Variants in RCOR1 observed in about 807,000 individuals in gnomAD.
The protein encoded by RCOR1 is REST corepressor.
A neutral mutation model predicts 64.0 loss-of-function variants in RCOR1; 12 were observed. The observed-to-expected ratio is 0.19, with a 90% CI of 0.12 to 0.30. The LOEUF (loss-of-function observed/expected upper bound fraction) is 0.30, where lower values mean the gene tolerates loss of function less well. Ranked by LOEUF, RCOR1 falls within the 10% of genes least tolerant of loss-of-function variation. The pLI, the probability that RCOR1 is intolerant of heterozygous loss-of-function variation, is 1.00. For synonymous variants in RCOR1, 279 were observed against 227.2 expected, an observed-to-expected ratio of 1.23 and a Z score of -2.05; for missense variants, 502 against 621.2, an observed-to-expected ratio of 0.81 and a Z score of 2.04.
At chr14:102,687,079 C>T (rs1335694269) in intron 3 of RCOR1, among the ~76,000 whole-genome samples, 4 of 152,232 alleles carry the variant, frequency 2.6e-5, no homozygotes, top group Admixed American at 2.0e-4. Flanking sequence ...TCAGATTATA[C>T]GGAATTCGTG....
Position 102,722,301 on chromosome 14 carries a change from A to C in RCOR1, c.1304A>C (p.Glu435Ala). The change falls in exon 11 of 12, where the codon GAA (glutamate) becomes GCA (alanine). Residue 435 changes from glutamate to alanine, a missense_variant. Physicochemically the swap from Glu to Ala is moderately radical, Grantham distance 107. Around this residue, in one of 2 missense-constraint regions of RCOR1, gnomAD observed 260 missense variants for 416.4 expected, o/e 0.62. Coordinates refer to ENST00000262241, the MANE Select transcript of RCOR1 (RefSeq NM_015156.4). ...TATCGACGCCGCTTCAACATAGATG[A>C]AGTTTTACAAGAATGGGAGGCAGAA... The part of the protein sequence containing the change: ...VNYRRRFNID[E>A]VLQEWEAEHG... The C allele has an allele frequency of 6.2e-7, 1 of 1,614,204 alleles. No homozygotes were observed. The highest frequency in any genetic ancestry group is 8.5e-7 in the Non-Finnish European group (1 of 1,180,030).
chr14:102,653,954 TC>T lies in RCOR1; in HGVS notation c.362-27940del, dbSNP rs1567423300. ...TTCTTTCTTTCTTTCTTTCTTTCTT[TC>T]TTTCTTTCTTTCTTTCTTTCTTTCT... is the stretch of plus-strand genomic sequence containing the variant. On this transcript the variant is annotated intron_variant, in intron 2 of 11. Transcript: ENST00000262241. Among the ~76,000 whole-genome samples the T allele has an allele frequency of 4.9e-3, 257 of 52,842 alleles. 21 individuals carry two copies. The highest frequency in any genetic ancestry group is 0.027 in the African/African-American group (205 of 7,622). 34.7% of individuals were successfully genotyped at this position (52,842 alleles called of 152,430 possible).
Position 102,701,262 on chromosome 14 carries a change from T to C in RCOR1, c.446-16T>C. 3 of 1,609,500 alleles carry C rather than the reference T, an allele frequency of 1.9e-6. No individual in the cohort carries two copies. The highest frequency in any genetic ancestry group is 1.3e-5 in the African/African-American group (1 of 74,942). On this transcript the variant is annotated splice_polypyrimidine_tract_variant and intron_variant, in intron 3 of 11. Coordinates refer to ENST00000262241, the MANE Select transcript of RCOR1 (RefSeq NM_015156.4). ...GTCCCTCAGTTTGTTTAATGGCATC[T>C]CTTCTTGTTTTTCAGTGGATGAATA...
At chr14:102,705,383 C>T (rs1004743747) in intron 4 of RCOR1, among the ~76,000 whole-genome samples, 2 of 152,164 alleles carry the variant, frequency 1.3e-5, no homozygotes, top group African/African-American at 4.8e-5. Context: ...CTAAATCTTT[C>T]TTTCTAGATC....
chr14:102,670,774 AT>A (rs1427754472), intron 2 of RCOR1, among the ~76,000 whole-genome samples: 1 of 150,420 alleles, frequency 6.6e-6, no homozygotes, highest in African/African-American at 2.4e-5. Context: ...TATTTTACTT[AT>A]TTATTGATTG....
chr14:102,655,519 T>G (rs1389349377), intron 2 of RCOR1: 2 of 970,984 alleles, frequency 2.1e-6, no homozygotes, highest in Non-Finnish European at 2.4e-6. Flanking sequence ...GCTTTAGGTA[T>G]CTATTAATAG....
At chr14:102,653,328 C>T (rs1386999295) in intron 2 of RCOR1, among the ~76,000 whole-genome samples, 6 of 152,180 alleles carry the variant, frequency 3.9e-5, no homozygotes, top group Admixed American at 3.9e-4. Flanking sequence ...AATCGATCCT[C>T]CCACCTCAGC....
chr14:102,625,825 T>C (rs1893969201), intron 2 of RCOR1, among the ~76,000 whole-genome samples: 1 of 152,170 alleles, frequency 6.6e-6, no homozygotes, highest in African/African-American at 2.4e-5. Flanking sequence ...CTGTGTCTTT[T>C]CTTATTTCAG....
chr14:102,673,170 A>G (rs1895062785), intron 2 of RCOR1, among the ~76,000 whole-genome samples: 2 of 152,196 alleles, frequency 1.3e-5, no homozygotes, highest in South Asian at 4.1e-4. Context: ...AATGTACCCC[A>G]TAACTAATAG....
chr14:102,600,336 A>G (rs1893363907), intron 2 of RCOR1, among the ~76,000 whole-genome samples: 2 of 151,886 alleles, frequency 1.3e-5, no homozygotes, highest in Non-Finnish European at 1.5e-5. Flanking sequence ...CGGCCTCCCA[A>G]AGTGCTGGGA....
chr14:102,726,812 C>T lies in RCOR1; in HGVS notation c.*306C>T. On this transcript the variant is annotated 3_prime_UTR_variant, in exon 12 of 12. Coordinates refer to ENST00000262241, the MANE Select transcript of RCOR1 (RefSeq NM_015156.4). ...CTCCCGCCGGAGCCCCCGAGCCCCA[C>T]CAATGGCAGCTCTTCCCAGTCAGCA... 2.7e-6 allele frequency: 1 copy of T among 363,910 alleles called. No homozygotes were observed. Among genetic ancestry groups the T allele is most frequent in the South Asian group, 4.5e-5 (1 of 22,050 alleles). 22.5% of individuals were successfully genotyped at this position (363,910 alleles called of 1,614,324 possible).
intron 2 of RCOR1, among the ~76,000 whole-genome samples, chr14:102,646,380 GA>G (rs1218920633): frequency 6.6e-6 from 1 of 152,058 alleles, no homozygotes; most frequent in African/African-American, 2.4e-5. Flanking sequence ...ACCAAGTGAA[GA>G]AATAGGAAAT....
At chr14:102,627,522 T>C (rs1465680050) in intron 2 of RCOR1, among the ~76,000 whole-genome samples, 2 of 152,034 alleles carry the variant, frequency 1.3e-5, no homozygotes, top group Non-Finnish European at 2.9e-5. Flanking sequence ...CTGGGCGTGG[T>C]GGCGGGTGCC....
intron 3 of RCOR1, among the ~76,000 whole-genome samples, chr14:102,691,134 G>T (rs1895523173): frequency 6.6e-6 from 1 of 152,212 alleles, no homozygotes; most frequent in Non-Finnish European, 1.5e-5. Context: ...ACAAGTCCCT[G>T]CCCAAGTGTA....
intron 11 of RCOR1, among the ~76,000 whole-genome samples, chr14:102,724,332 C>CT (rs560501023): frequency 1.3e-3 from 201 of 148,952 alleles, no homozygotes; most frequent in African/African-American, 2.2e-3. Context: ...CCTTTCTTTT[C>CT]TTTTTTTTTT....
chr14:102,611,458 T>G (rs993965700), intron 2 of RCOR1, among the ~76,000 whole-genome samples: 1 of 152,190 alleles, frequency 6.6e-6, no homozygotes, highest in Non-Finnish European at 1.5e-5. Flanking sequence ...TTCTTTTTTT[T>G]CTTCCTCTTT....
intron 2 of RCOR1, among the ~76,000 whole-genome samples, chr14:102,660,493 A>C (rs746851103): frequency 2.0e-5 from 3 of 152,082 alleles, no homozygotes; most frequent in Non-Finnish European, 4.4e-5. Context: ...GGCTCCAGCA[A>C]TCCTCCCACC....
intron 2 of RCOR1, among the ~76,000 whole-genome samples, chr14:102,636,603 T>C (rs1348782699): frequency 6.6e-6 from 1 of 152,108 alleles, no homozygotes; most frequent in East Asian, 1.9e-4. Flanking sequence ...TTCATATGTT[T>C]GTAGATCATT....
chr14:102,675,834 AC>A (rs1324140309), intron 2 of RCOR1, among the ~76,000 whole-genome samples: 5 of 152,238 alleles, frequency 3.3e-5, no homozygotes, highest in Admixed American at 6.5e-5. Flanking sequence ...TTATCCCTGT[AC>A]TTTTGCCTTT....
Sources: gnomAD v4.1 joint callset for allele counts (sites outside exome capture counted in the v4.1 genomes callset) on GRCh38, gnomAD v4.1.1 for gene constraint, gnomAD v4.1.1 regional missense constraint, MANE v1.5 for transcripts, NCBI Gene and HGNC (gene_info 2026-07-23, HGNC 2026-07-21) for gene names.